L3MBTL4: variants seen among roughly 807,000 people sequenced by gnomAD.
The protein encoded by L3MBTL4 is lethal(3)malignant brain tumor-like protein 4.
Under a neutral mutation model 84.5 loss-of-function variants are expected in L3MBTL4, and 70 were observed. The ratio of observed to expected loss-of-function variants is 0.83; its 90% CI spans 0.68 to 1.01. L3MBTL4 has a LOEUF of 1.01. Ranked by LOEUF, L3MBTL4 falls within the 50% of genes least tolerant of loss-of-function variation. L3MBTL4 has a pLI of 0.00. For missense variants in L3MBTL4, 715 were observed against 754.8 expected (o/e 0.95, Z 0.62); for synonymous variants, 274 against 259.8 (o/e 1.05, Z -0.52).
chr18:6,409,518 C>G (rs973254005), intron 1 of L3MBTL4, among the ~76,000 whole-genome samples: 1 of 152,076 alleles, frequency 6.6e-6, no homozygotes, highest in Non-Finnish European at 1.5e-5. Context: ...ATAATGCAGA[C>G]CATCTGATCA....
chr18:5,994,523 C>T (rs1314837102), intron 16 of L3MBTL4, among the ~76,000 whole-genome samples: 1 of 152,124 alleles, frequency 6.6e-6, no homozygotes, highest in Admixed American at 6.5e-5. Flanking sequence ...GTGGGGCAGG[C>T]ACAGAGGGGT....
At chr18:6,211,830 G>A (rs1362051792) in intron 12 of L3MBTL4, among the ~76,000 whole-genome samples, 1 of 152,064 alleles carries the variant, frequency 6.6e-6, no homozygotes, top group Non-Finnish European at 1.5e-5. Context: ...TGTATTTTTA[G>A]TAGAGATGGA....
intron 12 of L3MBTL4, among the ~76,000 whole-genome samples, chr18:6,184,182 A>G (rs1385113245): frequency 6.6e-6 from 1 of 152,234 alleles, no homozygotes; most frequent in African/African-American, 2.4e-5. Flanking sequence ...TTTATGTATT[A>G]GTACAACATT....
At chr18:6,229,561 T>C (rs8090101) in intron 10 of L3MBTL4, among the ~76,000 whole-genome samples, 2,048 of 152,274 alleles carry the variant, frequency 0.013, 47 homozygotes, top group African/African-American at 0.046. Context: ...AAATCCAATG[T>C]CATGAAGCTT....
intron 1 of L3MBTL4, among the ~76,000 whole-genome samples, chr18:6,322,631 T>G (rs2051487065): frequency 6.6e-6 from 1 of 151,808 alleles, no homozygotes; most frequent in Admixed American, 6.6e-5. Context: ...GATGAATGAA[T>G]AAAGAAAATG....
At chr18:6,220,906 C>G (rs1007635728) in intron 10 of L3MBTL4, among the ~76,000 whole-genome samples, 1 of 152,080 alleles carries the variant, frequency 6.6e-6, no homozygotes, top group South Asian at 2.1e-4. Flanking sequence ...ACCATTTGAA[C>G]AAAATGGTGC....
At chr18:6,076,424 A>G (rs1331906269) in intron 16 of L3MBTL4, among the ~76,000 whole-genome samples, 1 of 152,242 alleles carries the variant, frequency 6.6e-6, no homozygotes, top group East Asian at 1.9e-4. Flanking sequence ...GAGCAAAATC[A>G]GAATAGTTAC....
intron 15 of L3MBTL4, among the ~76,000 whole-genome samples, chr18:6,086,872 A>G (rs994129978): frequency 1.3e-5 from 2 of 152,164 alleles, no homozygotes; most frequent in African/African-American, 4.8e-5. Context: ...CCACATCCCT[A>G]GCACCTAACA....
chr18:6,112,940 T>C (rs2059239050), intron 14 of L3MBTL4, among the ~76,000 whole-genome samples: 1 of 152,122 alleles, frequency 6.6e-6, no homozygotes. Flanking sequence ...ATTATATAGC[T>C]AATTAGGGGG....
chr18:6,218,846 G>A (rs557928627), intron 10 of L3MBTL4, among the ~76,000 whole-genome samples: 3 of 152,286 alleles, frequency 2.0e-5, no homozygotes, highest in East Asian at 3.9e-4. Flanking sequence ...AAGTAGGGCT[G>A]CAGGGGGAGT....
chr18:6,352,424 G>A (rs1366278086), intron 1 of L3MBTL4, among the ~76,000 whole-genome samples: 2 of 152,210 alleles, frequency 1.3e-5, no homozygotes, highest in Non-Finnish European at 2.9e-5. Context: ...TTTATTGAGA[G>A]CCTATTATGA....
At chr18:6,284,383 C>T (rs971458815) in intron 4 of L3MBTL4, among the ~76,000 whole-genome samples, 3 of 152,156 alleles carry the variant, frequency 2.0e-5, no homozygotes, top group Non-Finnish European at 4.4e-5. Context: ...ACCCGGGCGT[C>T]GAGACTCAAA....
chr18:6,135,253 G>A (rs542183615), intron 14 of L3MBTL4, among the ~76,000 whole-genome samples: 2 of 152,254 alleles, frequency 1.3e-5, no homozygotes, highest in South Asian at 4.1e-4. Context: ...TTCCTCCTGG[G>A]CCTCCAGGCC....
intron 16 of L3MBTL4, chr18:6,031,310 G>A (rs1390810244): frequency 1.1e-5 from 11 of 985,280 alleles, no homozygotes; most frequent in Non-Finnish European, 1.3e-5. Flanking sequence ...TGGGCATTTG[G>A]GTTATAGGTT....
chr18:6,142,108 G>A (rs2060215266), intron 13 of L3MBTL4, among the ~76,000 whole-genome samples: 1 of 152,164 alleles, frequency 6.6e-6, no homozygotes, highest in African/African-American at 2.4e-5. Flanking sequence ...TAACTTCTGA[G>A]AGGAGGTTAC....
At chr18:6,080,638 T>C (rs1311743108) in intron 16 of L3MBTL4, among the ~76,000 whole-genome samples, 2 of 152,150 alleles carry the variant, frequency 1.3e-5, no homozygotes, top group Non-Finnish European at 2.9e-5. Context: ...CTATCATGAG[T>C]GGGGACCATA....
At chr18:6,049,615 A>C (rs2056770534) in intron 16 of L3MBTL4, among the ~76,000 whole-genome samples, 1 of 152,236 alleles carries the variant, frequency 6.6e-6, no homozygotes, top group Non-Finnish European at 1.5e-5. Flanking sequence ...TAACACCAGA[A>C]CAGAAGATCA....
At chr18:6,178,707 C>T (rs553199328) in intron 12 of L3MBTL4, among the ~76,000 whole-genome samples, 27 of 152,240 alleles carry the variant, frequency 1.8e-4, no homozygotes, top group African/African-American at 3.9e-4. Context: ...ATTAACGTTA[C>T]ACATTAGCTA....
chr18:6,074,271 T>A (rs946470370), intron 16 of L3MBTL4, among the ~76,000 whole-genome samples: 1 of 152,218 alleles, frequency 6.6e-6, no homozygotes, highest in Non-Finnish European at 1.5e-5. Flanking sequence ...TTACATTCGA[T>A]TAGAATTTCA....
Sources: allele counts gnomAD v4.1 joint callset (sites outside exome capture counted in the v4.1 genomes callset), GRCh38; gene constraint gnomAD v4.1.1; transcripts MANE v1.5; gene names NCBI Gene and HGNC (gene_info 2026-07-23, HGNC 2026-07-21).